SLC12A7: variants seen among roughly 807,000 people sequenced by gnomAD.
SLC12A7 encodes K-Cl cotransporter 4.
In SLC12A7, 100 loss-of-function variants were observed where a neutral mutation model predicts 120.6. The ratio of observed to expected loss-of-function variants is 0.83; its 90% CI spans 0.71 to 0.98. The LOEUF (loss-of-function observed/expected upper bound fraction) is 0.98. SLC12A7 is among the 50% of genes least tolerant of loss of function. The pLI, the probability that SLC12A7 is intolerant of heterozygous loss-of-function variation, is 0.00. For missense variants in SLC12A7, 1,373 were observed against 1,548.1 expected, an observed-to-expected ratio of 0.89 and a Z score of 1.90; for synonymous variants, 760 against 678.0, an observed-to-expected ratio of 1.12 and a Z score of -1.88.
intron 10 of SLC12A7, among the ~76,000 whole-genome samples, chr5:1,079,164 C>A (rs1014764964): frequency 1.3e-5 from 2 of 152,168 alleles, no homozygotes; most frequent in Non-Finnish European, 1.5e-5. Flanking sequence ...TGTCCACACG[C>A]GGCAGGGTGA....
intron 21 of SLC12A7, among the ~76,000 whole-genome samples, chr5:1,059,242 G>T (rs1382873486): frequency 6.6e-6 from 1 of 152,218 alleles, no homozygotes; most frequent in Non-Finnish European, 1.5e-5. Context: ...ACCCTGACCT[G>T]CCCGGGGTCT....
intron 15 of SLC12A7, among the ~76,000 whole-genome samples, chr5:1,074,955 G>A (rs1403619287): frequency 6.6e-6 from 1 of 151,522 alleles, no homozygotes; most frequent in Non-Finnish European, 1.5e-5. Flanking sequence ...CCATGACAGG[G>A]AAGTGGCTGG....
intron 1 of SLC12A7, among the ~76,000 whole-genome samples, chr5:1,098,990 G>A (rs1411275655): frequency 6.6e-6 from 1 of 152,028 alleles, no homozygotes; most frequent in African/African-American, 2.4e-5. Flanking sequence ...AAGGCTGAGA[G>A]GACAAACGGA....
At chr5:1,124,364 C>T in the SLC12A7 span, among the ~76,000 whole-genome samples, 1 of 152,180 alleles carries the variant, frequency 6.6e-6, no homozygotes, top group Non-Finnish European at 1.5e-5. Context: ...GAAGTAGCTG[C>T]GTGCAGTGGT....
At chr5:1,058,018 C>T (rs1009755623) in intron 21 of SLC12A7, among the ~76,000 whole-genome samples, 1 of 147,968 alleles carries the variant, frequency 6.8e-6, no homozygotes, top group African/African-American at 2.4e-5. Context: ...AGCACGCAGG[C>T]GTCCCCGTCT....
intron 20 of SLC12A7, 29 bp downstream of exon 20, chr5:1,063,815 C>A: frequency 8.2e-7 from 1 of 1,216,174 alleles, no homozygotes; most frequent in Non-Finnish European, 1.1e-6. Flanking sequence ...CTCCCCCCGG[C>A]CTCCTCCCCT....
chr5:1,064,826 C>CGAGGAGATGGT (rs1736783266), intron 18 of SLC12A7, among the ~76,000 whole-genome samples: 1 of 98,694 alleles, frequency 1.0e-5, no homozygotes, highest in Non-Finnish European at 2.1e-5. Flanking sequence ...GAGGGAACGG[C>CGAGGAGATGGT]GAGGGGACGG....
In SLC12A7 at chr5:1,083,727, C is replaced by T. The variant is rs1739477923; in HGVS notation, c.1129+18G>A. ...CCCCGCCACCCCCCAGCTCCAGCTG[C>T]AGCCCTGTGAGCCTCACCCAGGAAG... On this transcript the variant is annotated intron_variant, in intron 8 of 23. Coordinates refer to ENST00000264930, the MANE Select transcript of SLC12A7 (RefSeq NM_006598.3). The T allele has an allele frequency of 1.2e-6, 2 of 1,610,334 alleles. No homozygotes were observed. The highest frequency in any genetic ancestry group is 1.1e-5 in the South Asian group (1 of 91,030).
the SLC12A7 span, among the ~76,000 whole-genome samples, chr5:1,134,562 C>T: frequency 1.3e-5 from 2 of 152,142 alleles, no homozygotes. Flanking sequence ...GGGCCCTTGT[C>T]TTCTACCGGT....
chr5:1,090,301 G>A (rs1740353662), intron 3 of SLC12A7, among the ~76,000 whole-genome samples: 1 of 152,220 alleles, frequency 6.6e-6, no homozygotes, highest in Non-Finnish European at 1.5e-5. Context: ...AGGACCCTGG[G>A]AAAAATAATG....
chr5:1,077,851 G>GCCTT lies in SLC12A7; in HGVS notation c.1610_1611insAAGG (p.Ile538ArgfsTer379). 5 of 1,591,114 alleles carry GCCTT rather than the reference G, an allele frequency of 3.1e-6. No homozygotes were observed. Among genetic ancestry groups the GCCTT allele is most frequent in the Middle Eastern group, 1.7e-4 (1 of 5,928 alleles). ...GACTCACCTGCAGGAAGGGGACGATGCCGTCACGGGCAATGGCCTGCAGTA... is the reference window on the plus strand; with the variant it reads ...GACTCACCTGCAGGAAGGGGACGATGCCTTCCGTCACGGGCAATGGCCTGCAGTA... On this transcript the variant is annotated frameshift_variant, in exon 12 of 24. Transcript: ENST00000264930. LOFTEE classifies it high-confidence loss of function.
the SLC12A7 span, among the ~76,000 whole-genome samples, chr5:1,136,890 G>T: frequency 6.9e-6 from 1 of 144,188 alleles, no homozygotes; most frequent in African/African-American, 2.7e-5. Flanking sequence ...CAAACAGCAG[G>T]ACACGCAGGC....
At position 1,086,926 on chromosome 5, in the gene SLC12A7, A is replaced by G. The variant is rs1446644139; in HGVS notation, c.652T>C (p.Leu218=). The change falls in exon 6 of 24, where the codon TTG becomes CTG. Residue 218 remains leucine, a synonymous_variant. Coordinates refer to ENST00000264930, the MANE Select transcript of SLC12A7 (RefSeq NM_006598.3). Reference sequence around the variant, plus strand: ...ACCAGAAAAATCTCGATGGTCCCCAAAATATACATGGCCCCTGCAAACGTC... The same window carrying G: ...ACCAGAAAAATCTCGATGGTCCCCAGAATATACATGGCCCCTGCAAACGTC... ...GTTFAGAMYI[L]GTIEIFLTYI... is the part of the protein sequence containing the mutation. 1.9e-6 allele frequency: 3 copies of G among 1,612,714 alleles called. No homozygotes were observed. The highest frequency in any genetic ancestry group is 2.7e-5 in the African/African-American group (2 of 74,926).
chr5:1,108,743 G>A (rs558049989), intron 1 of SLC12A7, among the ~76,000 whole-genome samples: 1 of 152,350 alleles, frequency 6.6e-6, no homozygotes, highest in Non-Finnish European at 1.5e-5. Context: ...ATGGCACCCA[G>A]CACCCGACAG....
At chr5:1,110,081 C>A (rs1292724194) in intron 1 of SLC12A7, among the ~76,000 whole-genome samples, 1 of 152,270 alleles carries the variant, frequency 6.6e-6, no homozygotes, top group Non-Finnish European at 1.5e-5. Flanking sequence ...CCTCTGTGGG[C>A]TGAAGATCAG....
chr5:1,060,365 G>C lies in SLC12A7; in HGVS notation c.2826C>G (p.Ser942=). The C allele has an allele frequency of 6.2e-7, 1 of 1,613,406 alleles. No homozygotes were observed. The highest frequency in any genetic ancestry group is 8.5e-7 in the Non-Finnish European group (1 of 1,179,690). ...GTACCTCTCGCTCCTGCTCGTTCTT[G>C]GACAGCTGCATCTGCTTCAGCATCT... ...RSQMLKQMQL[S]KNEQEREAQL... is the part of the protein sequence containing the mutation. The change falls in exon 21 of 24, where the codon TCC becomes TCG. Residue 942 remains serine, a synonymous_variant. Transcript: ENST00000264930.
chr5:1,058,125 G>A (rs948555693), intron 21 of SLC12A7, among the ~76,000 whole-genome samples: 7 of 152,206 alleles, frequency 4.6e-5, no homozygotes, highest in African/African-American at 7.2e-5. Flanking sequence ...TTTGGGGGCC[G>A]GCCAGGCTGG....
chr5:1,060,386 C>T lies in SLC12A7; in HGVS notation c.2805G>A (p.Met935Ile), dbSNP rs551784992. ...TCTTGGACAGCTGCATCTGCTTCAG[C>T]ATCTGCGACCTCTGCTCCATCATTA... ...RTLMMEQRSQ[M>I]LKQMQLSKNE... is the part of the protein sequence containing the mutation. The change falls in exon 21 of 24, where the codon ATG becomes ATA. Residue 935 changes from methionine (M) to isoleucine (I), a missense_variant. Met to Ile is a conservative substitution (Grantham distance 10). Transcript: ENST00000264930. 25 of 1,613,804 alleles carry T rather than the reference C, an allele frequency of 1.5e-5. No homozygotes were observed. In the East Asian group the frequency reaches 5.3e-4, roughly 35 times the overall value.
At chr5:1,094,776 C>T (rs2150881744) in intron 1 of SLC12A7, among the ~76,000 whole-genome samples, 1 of 152,294 alleles carries the variant, frequency 6.6e-6, no homozygotes, top group East Asian at 1.9e-4. Flanking sequence ...CCCACTGTTC[C>T]CTGTTGAGGA....
Sources: allele counts gnomAD v4.1 joint callset (sites outside exome capture counted in the v4.1 genomes callset), GRCh38; gene constraint gnomAD v4.1.1; transcripts MANE v1.5; gene names NCBI Gene and HGNC (gene_info 2026-07-23, HGNC 2026-07-21).